PIK3R3: variants seen among roughly 807,000 people sequenced by gnomAD.
PIK3R3 encodes phosphatidylinositol 3-kinase regulatory subunit gamma.
In PIK3R3, 64 loss-of-function variants were observed where a neutral mutation model predicts 62.9. The observed-to-expected ratio is 1.02, with a 90% CI of 0.83 to 1.25. The LOEUF (loss-of-function observed/expected upper bound fraction) is 1.25. Ranked by LOEUF, PIK3R3 falls within the 50% of genes most tolerant of loss-of-function variation. The pLI, the probability that PIK3R3 is intolerant of heterozygous loss-of-function variation, is 0.00. For missense variants in PIK3R3, 614 were observed against 561.6 expected (o/e 1.09, Z -0.94); for synonymous variants, 165 against 189.0 (o/e 0.87, Z 1.04).
chr1:46,105,219 A>C (rs992580067), intron 1 of PIK3R3: 1 of 447,720 alleles, frequency 2.2e-6, no homozygotes, highest in Non-Finnish European at 4.1e-6. Context: ...AAAACAGCTC[A>C]TCAGCTGGGC....
At chr1:46,074,953 G>A (rs770280627) in intron 3 of PIK3R3, among the ~76,000 whole-genome samples, 1 of 152,196 alleles carries the variant, frequency 6.6e-6, no homozygotes, top group East Asian at 1.9e-4. Context: ...CAGAAGAGAA[G>A]ATTCTGACTT....
the PIK3R3 span, among the ~76,000 whole-genome samples, chr1:46,156,248 T>TA: frequency 0.028 from 4,172 of 149,716 alleles, 103 homozygotes; most frequent in Non-Finnish European, 0.046. Context: ...ATTTCCTGTT[T>TA]AAAAAAAAAA....
At chr1:46,155,190 A>G in the PIK3R3 span, among the ~76,000 whole-genome samples, 2 of 152,054 alleles carry the variant, frequency 1.3e-5, no homozygotes, top group Non-Finnish European at 2.9e-5. Flanking sequence ...GGGTGGTGCC[A>G]TGCACCTGTG....
intron 6 of PIK3R3, among the ~76,000 whole-genome samples, chr1:46,059,604 CAGG>C (rs953086645): frequency 6.6e-6 from 1 of 151,996 alleles, no homozygotes; most frequent in African/African-American, 2.4e-5. Context: ...TGCTTGAGTC[CAGG>C]AGTTCAGGAC....
chr1:46,088,256 A>C (rs1055125682), intron 1 of PIK3R3, among the ~76,000 whole-genome samples: 2 of 152,252 alleles, frequency 1.3e-5, no homozygotes, highest in Admixed American at 1.3e-4. Context: ...GAAACAGATA[A>C]AATGGTTAAA....
Position 46,066,055 on chromosome 1 carries a change from T to A in PIK3R3, c.620A>T (p.Gln207Leu), listed in dbSNP as rs780011164. The A allele has an allele frequency of 8.1e-6, 13 of 1,607,520 alleles. No homozygotes were observed. The South Asian group carries it at 1.4e-4, about 18-fold the overall frequency. ...TCAAAAACAACATAATATACCAACCTGGGATGTTCTAGTATATTCTTCATA... is the reference window on the plus strand; with the variant it reads ...TCAAAAACAACATAATATACCAACCAGGGATGTTCTAGTATATTCTTCATA... ...RLYEEYTRTS[Q>L]EIQMKRTAIE... Residue 207 changes from glutamine (Q) to leucine (L), a missense_variant and splice_region_variant, in exon 5 of 10, where the codon CAG (glutamine) becomes CTG (leucine). By Grantham distance (113) the Gln-to-Leu change is moderately radical (BLOSUM62 -2). Transcript: ENST00000262741.
At chr1:46,151,194 A>G in the PIK3R3 span, among the ~76,000 whole-genome samples, 2 of 152,224 alleles carry the variant, frequency 1.3e-5, no homozygotes, top group Non-Finnish European at 2.9e-5. Flanking sequence ...ATATACCCAC[A>G]GATTTTTCAT....
Position 46,131,957 on chromosome 1 carries a change from C to T in PIK3R3, c.-5G>A. The T allele has an allele frequency of 6.2e-7, 1 of 1,613,684 alleles. No homozygotes were observed. Among genetic ancestry groups the T allele is most frequent in the Non-Finnish European group, 8.5e-7 (1 of 1,179,896 alleles). Reference sequence around the variant, plus strand: ...ACTCCACACCGTATTGTACATCGCGCTGTCAGGGGCAGGTCGCCAGGAGAT... The same window carrying T: ...ACTCCACACCGTATTGTACATCGCGTTGTCAGGGGCAGGTCGCCAGGAGAT... On this transcript the variant is annotated 5_prime_UTR_variant, in exon 1 of 10. Coordinates refer to ENST00000262741, the MANE Select transcript of PIK3R3 (RefSeq NM_003629.4).
intron 3 of PIK3R3, among the ~76,000 whole-genome samples, chr1:46,070,362 A>G (rs2149400920): frequency 6.6e-6 from 1 of 152,364 alleles, no homozygotes; most frequent in South Asian, 2.1e-4. Flanking sequence ...TAATGTGTAA[A>G]TATGTTGATA....
chr1:46,116,300 C>G (rs1654182315), intron 1 of PIK3R3, among the ~76,000 whole-genome samples: 1 of 151,930 alleles, frequency 6.6e-6, no homozygotes. Flanking sequence ...CACTTGAGGA[C>G]AGGAGTTTGA....
the PIK3R3 span, among the ~76,000 whole-genome samples, chr1:46,141,339 C>G: frequency 6.6e-5 from 10 of 152,214 alleles, no homozygotes; most frequent in South Asian, 2.1e-3. Flanking sequence ...GGCATGATCT[C>G]AGCTCACTGC....
intron 1 of PIK3R3, chr1:46,104,870 G>A (rs995699890): frequency 4.4e-6 from 2 of 451,224 alleles, no homozygotes; most frequent in Admixed American, 3.5e-5. Flanking sequence ...GGAGGTTGCA[G>A]TGAGCCAAGA....
At chr1:46,070,187 C>A (rs919585786) in intron 3 of PIK3R3, among the ~76,000 whole-genome samples, 1 of 152,076 alleles carries the variant, frequency 6.6e-6, no homozygotes, top group African/African-American at 2.4e-5. Context: ...ACTCAATAGA[C>A]AAAAATTGTT....
Position 46,066,144 on chromosome 1 carries a change from T to C in PIK3R3, c.531A>G (p.Val177=). 6.3e-7 allele frequency: 1 copy of C among 1,582,356 alleles called. No individual in the cohort carries two copies. Among genetic ancestry groups the C allele is most frequent in the Non-Finnish European group, 8.7e-7 (1 of 1,151,624 alleles). The change falls in exon 5 of 10, where the codon GTA becomes GTG. Residue 177 remains valine, a synonymous_variant. Coordinates refer to ENST00000262741, the MANE Select transcript of PIK3R3 (RefSeq NM_003629.4). Reference sequence around the variant, plus strand: ...AGTGGTATTCTTGCAGTTTTTTACCTACTGCATCAATATTATCTTCTTTTA... The same window carrying C: ...AGTGGTATTCTTGCAGTTTTTTACCCACTGCATCAATATTATCTTCTTTTA... ...QLVKEDNIDA[V]GKKLQEYHSQ...
chr1:46,056,907 C>G (rs1352656722), intron 6 of PIK3R3: 5 of 152,246 alleles, frequency 3.3e-5, no homozygotes, highest in Admixed American at 6.5e-5. Flanking sequence ...CTACCTACAT[C>G]TGAATCTCTG....
At chr1:46,075,415 G>A (rs1174137487) in intron 3 of PIK3R3, among the ~76,000 whole-genome samples, 2 of 152,118 alleles carry the variant, frequency 1.3e-5, no homozygotes, top group Non-Finnish European at 2.9e-5. Context: ...GGAGTTTTGA[G>A]ACCAGCCTGG....
chr1:46,122,244 T>G (rs754663135), intron 1 of PIK3R3, among the ~76,000 whole-genome samples: 14 of 152,190 alleles, frequency 9.2e-5, no homozygotes, highest in Non-Finnish European at 2.1e-4. Context: ...ATGGCTCACT[T>G]TACTTGTTAA....
At chr1:46,138,960 C>A in the PIK3R3 span, 1 of 152,182 alleles carries the variant, frequency 6.6e-6, no homozygotes, top group African/African-American at 2.4e-5. Context: ...TCATTCGGGA[C>A]CCTATTCCTT....
chr1:46,073,230 C>T (rs1649709972), intron 3 of PIK3R3, among the ~76,000 whole-genome samples: 1 of 152,150 alleles, frequency 6.6e-6, no homozygotes, highest in African/African-American at 2.4e-5. Flanking sequence ...ATAACCATGT[C>T]CACCTTGCCT....
Sources: gnomAD v4.1 joint callset for allele counts (sites outside exome capture counted in the v4.1 genomes callset) on GRCh38, gnomAD v4.1.1 for gene constraint, MANE v1.5 for transcripts, NCBI Gene and HGNC (gene_info 2026-07-23, HGNC 2026-07-21) for gene names.